The following SLC35F3 variants were observed in gnomAD, a reference collection of about 807,000 sequenced individuals.
SLC35F3 encodes putative thiamine transporter SLC35F3.
In SLC35F3, 25 loss-of-function variants were observed where a neutral mutation model predicts 49.9. That is an observed-to-expected ratio of 0.50 (90% CI 0.37 to 0.70). SLC35F3 has a LOEUF of 0.70. SLC35F3 is among the 30% of genes least tolerant of loss of function. The pLI, the probability that SLC35F3 is intolerant of heterozygous loss-of-function variation, is 0.00. For synonymous variants in SLC35F3, 275 were observed against 265.4 expected (o/e 1.04, Z -0.35); for missense variants, 525 against 639.8 (o/e 0.82, Z 1.94).
At chr1:234,202,372 A>G (rs983937531) in intron 2 of SLC35F3, among the ~76,000 whole-genome samples, 3 of 152,226 alleles carry the variant, frequency 2.0e-5, no homozygotes, top group Non-Finnish European at 4.4e-5. Context: ...ACAAGGGGGA[A>G]GTCTTGAATT....
At chr1:234,050,832 A>C (rs576740252) in intron 2 of SLC35F3, among the ~76,000 whole-genome samples, 6 of 152,220 alleles carry the variant, frequency 3.9e-5, no homozygotes, top group Non-Finnish European at 7.3e-5. Flanking sequence ...TAAGGAAGGA[A>C]TCCAGTTTCA....
At chr1:234,191,364 A>G (rs1666727503) in intron 2 of SLC35F3, among the ~76,000 whole-genome samples, 1 of 152,172 alleles carries the variant, frequency 6.6e-6, no homozygotes, top group Admixed American at 6.5e-5. Flanking sequence ...TCAAAAATAA[A>G]ATCAACATGA....
intron 2 of SLC35F3, among the ~76,000 whole-genome samples, chr1:233,955,602 T>C (rs1250933324): frequency 6.6e-6 from 1 of 152,058 alleles, no homozygotes; most frequent in African/African-American, 2.4e-5. Flanking sequence ...TCTGCCCCCC[T>C]GTCTTGCTGC....
chr1:234,017,982 C>T (rs1663829493), intron 2 of SLC35F3, among the ~76,000 whole-genome samples: 1 of 150,764 alleles, frequency 6.6e-6, no homozygotes, highest in Non-Finnish European at 1.5e-5. Context: ...ACAGCAAAGT[C>T]ACTGAAAAAA....
intron 2 of SLC35F3, among the ~76,000 whole-genome samples, chr1:233,910,668 C>A (rs1283106187): frequency 6.6e-6 from 1 of 152,160 alleles, no homozygotes; most frequent in Non-Finnish European, 1.5e-5. Context: ...ACTCTTAAAT[C>A]CTTTTCTGGG....
intron 2 of SLC35F3, among the ~76,000 whole-genome samples, chr1:234,074,757 TGA>T (rs1157016772): frequency 2.0e-5 from 3 of 151,990 alleles, no homozygotes; most frequent in Non-Finnish European, 4.4e-5. Flanking sequence ...GGGAACTGAG[TGA>T]GGTTAGGGCA....
At chr1:233,943,927 T>A (rs964939509) in intron 2 of SLC35F3, among the ~76,000 whole-genome samples, 1 of 152,226 alleles carries the variant, frequency 6.6e-6, no homozygotes, top group Non-Finnish European at 1.5e-5. Flanking sequence ...AATAACCTGC[T>A]CCTGAATGAC....
intron 3 of SLC35F3, among the ~76,000 whole-genome samples, chr1:234,295,139 G>A (rs1472738667): frequency 6.6e-6 from 1 of 152,234 alleles, no homozygotes; most frequent in Non-Finnish European, 1.5e-5. Context: ...TGTTCCTGCA[G>A]CCTGCTTTAG....
intron 2 of SLC35F3, among the ~76,000 whole-genome samples, chr1:234,211,257 G>A (rs1003037500): frequency 6.6e-6 from 1 of 152,242 alleles, no homozygotes; most frequent in African/African-American, 2.4e-5. Flanking sequence ...ACCTCTACTA[G>A]GTCAGTGCAA....
chr1:234,076,642 G>A (rs1297815748), intron 2 of SLC35F3, among the ~76,000 whole-genome samples: 3 of 151,894 alleles, frequency 2.0e-5, no homozygotes, highest in African/African-American at 4.8e-5. Flanking sequence ...TTGTATTTTA[G>A]TAGAGATGGG....
At chr1:234,270,970 T>A (rs1668091139) in intron 3 of SLC35F3, among the ~76,000 whole-genome samples, 1 of 152,214 alleles carries the variant, frequency 6.6e-6, no homozygotes, top group Non-Finnish European at 1.5e-5. Context: ...AAACATGGCC[T>A]CTTCTGGGAA....
At chr1:234,141,050 C>T (rs1368784129) in intron 2 of SLC35F3, among the ~76,000 whole-genome samples, 3 of 152,120 alleles carry the variant, frequency 2.0e-5, no homozygotes, top group Non-Finnish European at 4.4e-5. Context: ...AATTATGGAG[C>T]GACCATGTAG....
At chr1:234,242,669 T>G (rs558018521) in intron 3 of SLC35F3, among the ~76,000 whole-genome samples, 3 of 152,340 alleles carry the variant, frequency 2.0e-5, no homozygotes, top group East Asian at 1.9e-4. Flanking sequence ...GGATTCTTTG[T>G]TGAGCAGAGA....
At chr1:234,108,305 T>G (rs1392768905) in intron 2 of SLC35F3, among the ~76,000 whole-genome samples, 6 of 123,876 alleles carry the variant, frequency 4.8e-5, no homozygotes, top group African/African-American at 1.9e-4. Flanking sequence ...AGATATATAT[T>G]TATATATATA....
intron 2 of SLC35F3, among the ~76,000 whole-genome samples, chr1:233,969,554 A>G (rs932928356): frequency 1.3e-5 from 2 of 151,858 alleles, no homozygotes; most frequent in African/African-American, 4.8e-5. Context: ...GCTGTTTGAA[A>G]TCTCTCTGTG....
chr1:233,986,614 A>G (rs907423584), intron 2 of SLC35F3, among the ~76,000 whole-genome samples: 4 of 152,306 alleles, frequency 2.6e-5, no homozygotes, highest in Middle Eastern at 3.4e-3. Flanking sequence ...TACTGTGAGT[A>G]TATTTCTTCT....
intron 2 of SLC35F3, among the ~76,000 whole-genome samples, chr1:234,221,721 G>A (rs940481563): frequency 1.1e-4 from 17 of 152,164 alleles, no homozygotes; most frequent in African/African-American, 4.1e-4. Context: ...CTGGAGGGAA[G>A]AACACTGGAT....
Position 234,184,898 on chromosome 1 carries a change from CA to C in SLC35F3, c.284-46518del, listed in dbSNP as rs559275905. On this transcript the variant is annotated intron_variant, in intron 2 of 7. Coordinates refer to ENST00000366618, the MANE Select transcript of SLC35F3 (RefSeq NM_173508.4). Reference sequence around the variant, plus strand: ...ACAGCTTATTAGAAATGCAGAATCTCAGGGCCTGCCCCCAGAGAGACTCACT... The same window carrying C: ...ACAGCTTATTAGAAATGCAGAATCTCGGGCCTGCCCCCAGAGAGACTCACT... Among the ~76,000 whole-genome samples the C allele has an allele frequency of 4.4e-3, 670 of 152,280 alleles. 4 individuals carry two copies. Among genetic ancestry groups the C allele is most frequent in the African/African-American group, 0.014 (599 of 41,542 alleles).
chr1:233,989,895 A>T (rs144382286), intron 2 of SLC35F3, among the ~76,000 whole-genome samples: 1 of 152,172 alleles, frequency 6.6e-6, no homozygotes, highest in Non-Finnish European at 1.5e-5. Context: ...ATTGAAAAAA[A>T]TGATTATCGT....
Sources: gnomAD v4.1 joint callset for allele counts (sites outside exome capture counted in the v4.1 genomes callset) on GRCh38, gnomAD v4.1.1 for gene constraint, MANE v1.5 for transcripts, NCBI Gene and HGNC (gene_info 2026-07-23, HGNC 2026-07-21) for gene names.